The following MYT1L variants were observed in gnomAD, a reference collection of about 807,000 sequenced individuals.
MYT1L encodes myelin transcription factor 1-like protein.
MYT1L carries 12 observed loss-of-function variants against 126.7 expected under a neutral mutation model. That is an observed-to-expected ratio of 0.09 (90% CI 0.06 to 0.15). MYT1L has a LOEUF of 0.15. Among genes scored for constraint, MYT1L ranks in the 10% least tolerant of loss-of-function variants. MYT1L has a pLI of 1.00. For synonymous variants in MYT1L, 541 were observed against 604.2 expected (o/e 0.90, Z 1.53); for missense variants, 979 against 1,585.2 (o/e 0.62, Z 6.49).
At chr2:2,183,580 G>A (rs149020105) in intron 2 of MYT1L, among the ~76,000 whole-genome samples, 8 of 152,248 alleles carry the variant, frequency 5.3e-5, no homozygotes, top group Admixed American at 2.6e-4. Context: ...GTAATGATGA[G>A]GTTCTCAGTG....
chr2:2,203,335 G>A (rs972237834), intron 2 of MYT1L, among the ~76,000 whole-genome samples: 13 of 149,472 alleles, frequency 8.7e-5, no homozygotes, highest in South Asian at 6.3e-4. Flanking sequence ...CAAATTGTCC[G>A]TGTTTGCAGA....
chr2:1,844,957 T>C (rs1315495259), intron 19 of MYT1L, among the ~76,000 whole-genome samples: 1 of 150,650 alleles, frequency 6.6e-6, no homozygotes, highest in Non-Finnish European at 1.5e-5. Context: ...GTTCATTTCT[T>C]AGGATTTGGA....
chr2:2,168,109 C>T (rs1245264061), intron 3 of MYT1L, among the ~76,000 whole-genome samples: 10 of 152,186 alleles, frequency 6.6e-5, no homozygotes, highest in Admixed American at 6.5e-4. Flanking sequence ...GGTGACTTCA[C>T]ATCGGTGGGA....
chr2:2,198,237 A>G (rs1355790003), intron 2 of MYT1L, among the ~76,000 whole-genome samples: 1 of 152,160 alleles, frequency 6.6e-6, no homozygotes, highest in African/African-American at 2.4e-5. Context: ...AGCAAAGAAT[A>G]GAACAGTGGT....
chr2:1,996,295 G>C (rs1468615149), intron 5 of MYT1L, among the ~76,000 whole-genome samples: 1 of 151,546 alleles, frequency 6.6e-6, no homozygotes, highest in Non-Finnish European at 1.5e-5. Context: ...GTGTAGACAG[G>C]CCACCTTTAC....
chr2:2,131,647 CAA>C (rs1448887007), intron 3 of MYT1L, among the ~76,000 whole-genome samples: 1 of 152,012 alleles, frequency 6.6e-6, no homozygotes, highest in Non-Finnish European at 1.5e-5. Flanking sequence ...GCCATGGACA[CAA>C]TATATTCATG....
At chr2:2,305,850 A>T (rs1306552489) in intron 1 of MYT1L, 2 of 152,198 alleles carry the variant, frequency 1.3e-5, no homozygotes, top group Admixed American at 1.3e-4. Context: ...AACTGCCCCC[A>T]TGATCCAATC....
At chr2:1,837,364 A>C (rs1175639339) in intron 21 of MYT1L, among the ~76,000 whole-genome samples, 1 of 152,236 alleles carries the variant, frequency 6.6e-6, no homozygotes, top group African/African-American at 2.4e-5. Flanking sequence ...GGTTAGCGAA[A>C]CATACAAACC....
intron 24 of MYT1L, among the ~76,000 whole-genome samples, 157 bp from the exon 25 acceptor site, chr2:1,792,164 C>T (rs1356791568): frequency 1.3e-5 from 2 of 152,224 alleles, no homozygotes; most frequent in Non-Finnish European, 2.9e-5. Flanking sequence ...CAGCCCCGCC[C>T]ATGTTTCTAG....
At chr2:2,037,776 ACAAAAC>A in intron 4 of MYT1L, among the ~76,000 whole-genome samples, 1 of 149,978 alleles carries the variant, frequency 6.7e-6, no homozygotes, top group Non-Finnish European at 1.5e-5. Flanking sequence ...ACAAAACAAA[ACAAAAC>A]CCCCCCAAAA....
At chr2:2,232,664 G>A (rs1426767273) in intron 2 of MYT1L, among the ~76,000 whole-genome samples, 1 of 152,216 alleles carries the variant, frequency 6.6e-6, no homozygotes, top group Non-Finnish European at 1.5e-5. Flanking sequence ...TCGGACAAAG[G>A]ACTCTTCCTG....
chr2:1,980,218 A>T (rs1314968831), intron 5 of MYT1L, among the ~76,000 whole-genome samples: 1 of 147,806 alleles, frequency 6.8e-6, no homozygotes, highest in Non-Finnish European at 1.5e-5. Context: ...ATATTTATAT[A>T]TATAACATAT....
chr2:1,848,106 A>G lies in MYT1L; in HGVS notation c.2774+3535T>C, dbSNP rs1026512672. Among the ~76,000 whole-genome samples, 60 of 152,294 alleles carry G rather than the reference A, an allele frequency of 3.9e-4. No homozygotes were observed. Among genetic ancestry groups the G allele is most frequent in the African/African-American group, 1.4e-3 (59 of 41,572 alleles). On this transcript the variant is annotated intron_variant, in intron 19 of 24. Coordinates refer to ENST00000647738, the MANE Select transcript of MYT1L (RefSeq NM_001303052.2). The surrounding 1 kb of genome is among the most constrained non-coding windows in gnomAD (Gnocchi z 4.8). ...TAATGAAATCGCTAATTCTCAGCGC[A>G]TCTGTGGAGATGGTGGAGGACAGCT...
intron 3 of MYT1L, among the ~76,000 whole-genome samples, chr2:2,101,724 C>T (rs911654954): frequency 1.3e-5 from 2 of 152,172 alleles, no homozygotes; most frequent in African/African-American, 4.8e-5. Flanking sequence ...AGCCATCCAT[C>T]CATCCACTCA....
Position 1,914,252 on chromosome 2 carries a change from T to TA in MYT1L, c.1619-2143dup, listed in dbSNP as rs1442317773. Among the ~76,000 whole-genome samples, 250 of 146,420 alleles carry TA rather than the reference T, an allele frequency of 1.7e-3. 4 individuals are homozygous for TA. The highest frequency in any genetic ancestry group is 5.5e-3 in the African/African-American group (220 of 39,872). On this transcript the variant is annotated intron_variant, in intron 11 of 24. Coordinates refer to ENST00000647738, the MANE Select transcript of MYT1L (RefSeq NM_001303052.2). ...CTGGGCGACAGAGCGAGACTCTGTC[T>TA]AAAAAAAAAACAAAAACGAAAACAA... is the stretch of plus-strand genomic sequence containing the variant.
intron 2 of MYT1L, among the ~76,000 whole-genome samples, chr2:2,215,990 C>G (rs946876343): frequency 6.6e-6 from 1 of 152,018 alleles, no homozygotes; most frequent in African/African-American, 2.4e-5. Context: ...GTGTGGCACC[C>G]TCTCCCCCAA....
At chr2:2,236,458 C>T (rs1202826080) in intron 2 of MYT1L, among the ~76,000 whole-genome samples, 2 of 148,708 alleles carry the variant, frequency 1.3e-5, no homozygotes, top group African/African-American at 2.5e-5. Flanking sequence ...ACATCCCAAC[C>T]CAACCCAGTA....
chr2:2,011,984 G>A (rs959103654), intron 4 of MYT1L, among the ~76,000 whole-genome samples: 1 of 152,222 alleles, frequency 6.6e-6, no homozygotes, highest in Admixed American at 6.5e-5. Flanking sequence ...TTGCTGGTGA[G>A]AATGTCAATG....
At chr2:1,952,301 T>G (rs1009057892) in intron 8 of MYT1L, among the ~76,000 whole-genome samples, 2 of 152,210 alleles carry the variant, frequency 1.3e-5, no homozygotes, top group Non-Finnish European at 2.9e-5. Context: ...TGAATAGTAA[T>G]TCAAGATTCA....
Sources: allele counts gnomAD v4.1 joint callset (sites outside exome capture counted in the v4.1 genomes callset), GRCh38; gene constraint gnomAD v4.1.1; non-coding constraint Gnocchi (gnomAD v3.1); transcripts MANE v1.5; gene names NCBI Gene and HGNC (gene_info 2026-07-23, HGNC 2026-07-21).